The following LARGE1 variants were observed in gnomAD, a reference collection of about 807,000 sequenced individuals.
LARGE1 encodes LARGE xylosyl- and glucuronyltransferase 1.
LARGE1 carries 43 observed loss-of-function variants against 87.6 expected under a neutral mutation model. The ratio of observed to expected loss-of-function variants is 0.49; its 90% CI spans 0.38 to 0.63. The LOEUF (loss-of-function observed/expected upper bound fraction) is 0.63, where lower values mean the gene tolerates loss of function less well. Among genes scored for constraint, LARGE1 ranks in the 30% least tolerant of loss-of-function variants. The pLI is 0.00. For missense variants in LARGE1, 802 were observed against 1,000.2 expected, an observed-to-expected ratio of 0.80 and a Z score of 2.67; for synonymous variants, 434 against 394.6, an observed-to-expected ratio of 1.10 and a Z score of -1.18.
At chr22:33,805,382 AGGAAT>A (rs1441022607) in intron 1 of LARGE1, among the ~76,000 whole-genome samples, 1 of 152,136 alleles carries the variant, frequency 6.6e-6, no homozygotes. Flanking sequence ...AAGCAAGCCA[AGGAAT>A]CTCTTTCCTC....
chr22:33,202,371 G>A (rs1924443995), intron 11 of LARGE1, among the ~76,000 whole-genome samples: 1 of 152,150 alleles, frequency 6.6e-6, no homozygotes, highest in African/African-American at 2.4e-5. Flanking sequence ...ACAGACTACG[G>A]CCACCTTATC....
In LARGE1 at chr22:33,701,268, T is replaced by C. The variant is rs1894444; in HGVS notation, c.107-50600A>G. Among the ~76,000 whole-genome samples, 22 of 152,002 alleles carry C rather than the reference T, an allele frequency of 1.4e-4. No homozygotes were observed. The South Asian group carries it at 3.3e-3, about 23-fold the overall frequency. ...GTGTTTTCAGAAGAACGGCAACAGATGGAAAGGAAAATGGGAATTGGAGGC... is the reference window on the plus strand; with the variant it reads ...GTGTTTTCAGAAGAACGGCAACAGACGGAAAGGAAAATGGGAATTGGAGGC... On this transcript the variant is annotated intron_variant, in intron 2 of 14. Coordinates refer to ENST00000397394, the MANE Select transcript of LARGE1 (RefSeq NM_133642.5).
Position 33,432,087 on chromosome 22 carries a change from C to A in LARGE1, c.892+74G>T, listed in dbSNP as rs145152413. 8,780 of 1,233,164 alleles carry A rather than the reference C, an allele frequency of 7.1e-3. 41 individuals carry two copies. The highest frequency in any genetic ancestry group is 8.8e-3 in the Non-Finnish European group (7,367 of 836,908). The allele number at this position is 1,233,164 out of a possible 1,614,324, so 76.4% of individuals were successfully genotyped here. On this transcript the variant is annotated intron_variant, in intron 7 of 14. Coordinates refer to ENST00000397394, the MANE Select transcript of LARGE1 (RefSeq NM_133642.5). ...GCCTCCTCCTGAGCTTTTGCAATCT[C>A]CTCTCCTGCGGAAGGAGCACTGGGT... is the stretch of plus-strand genomic sequence containing the variant.
At chr22:33,093,864 G>A in the LARGE1 span, among the ~76,000 whole-genome samples, 12 of 113,848 alleles carry the variant, frequency 1.1e-4, no homozygotes, top group South Asian at 1.4e-3. Context: ...TTTTGCTCCC[G>A]TCTCCCAGGC....
At chr22:33,792,869 A>C (rs749771615) in intron 1 of LARGE1, among the ~76,000 whole-genome samples, 5 of 152,198 alleles carry the variant, frequency 3.3e-5, no homozygotes, top group Non-Finnish European at 7.3e-5. Flanking sequence ...ACTTCCCCAA[A>C]ACCCCAGCCA....
chr22:33,816,026 T>C (rs982881726), intron 1 of LARGE1, among the ~76,000 whole-genome samples: 7 of 152,206 alleles, frequency 4.6e-5, no homozygotes, highest in Admixed American at 4.6e-4. Context: ...TCGCATTCAA[T>C]GTTGTCATTA....
chr22:33,454,603 G>C (rs1236137730), intron 6 of LARGE1, among the ~76,000 whole-genome samples: 1 of 142,516 alleles, frequency 7.0e-6, no homozygotes, highest in Non-Finnish European at 1.5e-5. Context: ...TGGTGACAGA[G>C]CAAGACTCTG....
At position 33,675,292 on chromosome 22, in the gene LARGE1, CAAAAAAAA is replaced by C. The variant is rs71320987; in HGVS notation, c.107-24632_107-24625del. Among the ~76,000 whole-genome samples the C allele has an allele frequency of 0.03, 984 of 32,932 alleles. 95 individuals are homozygous for C. The East Asian group carries it at 0.4, about 13-fold the overall frequency. The allele number at this position is 32,932 out of a possible 152,430, so 21.6% of individuals were successfully genotyped here. On this transcript the variant is annotated intron_variant, in intron 2 of 14. Transcript: ENST00000397394. ...CTGGGCAACAAGAGCGAAACTCCAT[CAAAAAAAA>C]AAAAAAAAAAAAAAAAAAGAACACA...
chr22:33,210,252 C>T (rs1352627469), intron 11 of LARGE1, among the ~76,000 whole-genome samples: 1 of 152,250 alleles, frequency 6.6e-6, no homozygotes, highest in Admixed American at 6.5e-5. Flanking sequence ...GCCTTTGGGG[C>T]GTGTATCCTT....
intron 2 of LARGE1, among the ~76,000 whole-genome samples, chr22:33,706,309 C>T (rs527664581): frequency 1.3e-5 from 2 of 152,158 alleles, no homozygotes; most frequent in East Asian, 1.9e-4. Context: ...TCCAGGGTAC[C>T]GCCTCCAATG....
intron 2 of LARGE1, among the ~76,000 whole-genome samples, chr22:33,656,652 A>G (rs2080968751): frequency 6.6e-6 from 1 of 152,152 alleles, no homozygotes; most frequent in Admixed American, 6.5e-5. Context: ...TACTCTTTAG[A>G]TATACACAGT....
intron 5 of LARGE1, among the ~76,000 whole-genome samples, chr22:33,598,564 T>C (rs1970978): frequency 1 from 151,047 of 151,628 alleles, 75,236 homozygotes; most frequent in East Asian, 1. Flanking sequence ...TGATGTTCCC[T>C]TCCCTGTGTC....
At chr22:33,139,728 A>C in the LARGE1 span, among the ~76,000 whole-genome samples, 64,108 of 152,016 alleles carry the variant, frequency 0.42, 13,971 homozygotes, top group South Asian at 0.68. Flanking sequence ...ATGGAAATAC[A>C]AGCCTCTTCT....
At chr22:33,785,122 TGC>T (rs1275587534) in intron 1 of LARGE1, among the ~76,000 whole-genome samples, 7 of 46,348 alleles carry the variant, frequency 1.5e-4, no homozygotes, top group East Asian at 6.6e-4. Flanking sequence ...TATGTGTATA[TGC>T]ATATATGTGT....
chr22:33,235,969 T>A (rs1926230839), intron 11 of LARGE1, among the ~76,000 whole-genome samples: 1 of 152,216 alleles, frequency 6.6e-6, no homozygotes, highest in Non-Finnish European at 1.5e-5. Flanking sequence ...TGACTGGTAT[T>A]CTTATAAGAG....
chr22:33,627,130 A>C (rs1471753176), intron 3 of LARGE1, among the ~76,000 whole-genome samples: 1 of 152,248 alleles, frequency 6.6e-6, no homozygotes, highest in Non-Finnish European at 1.5e-5. Flanking sequence ...TTAGTGTGCC[A>C]CGATTGAATT....
At chr22:33,613,329 G>A (rs1193847934) in intron 4 of LARGE1, among the ~76,000 whole-genome samples, 3 of 152,152 alleles carry the variant, frequency 2.0e-5, no homozygotes, top group Non-Finnish European at 4.4e-5. Context: ...ACAAGCACAT[G>A]AAAATACTGC....
intron 11 of LARGE1, among the ~76,000 whole-genome samples, chr22:33,205,948 C>CTTTTTCT (rs1924654588): frequency 1.2e-5 from 1 of 84,988 alleles, no homozygotes; most frequent in Non-Finnish European, 2.2e-5. Context: ...CATGCTAATT[C>CTTTTTCT]TTTTTTTTTT....
At chr22:33,802,345 G>T (rs370506919) in intron 1 of LARGE1, among the ~76,000 whole-genome samples, 32 of 152,310 alleles carry the variant, frequency 2.1e-4, no homozygotes, top group African/African-American at 7.5e-4. Flanking sequence ...AGGCCCTGCT[G>T]AATGTTCCAG....
Sources: gnomAD v4.1 joint callset for allele counts (sites outside exome capture counted in the v4.1 genomes callset) on GRCh38, gnomAD v4.1.1 for gene constraint, MANE v1.5 for transcripts, NCBI Gene and HGNC (gene_info 2026-07-23, HGNC 2026-07-21) for gene names.